SLC35F4: variants seen among roughly 807,000 people sequenced by gnomAD.
The protein encoded by SLC35F4 is chromosome 14 open reading frame 36.
Under a neutral mutation model 44.2 loss-of-function variants are expected in SLC35F4, and 24 were observed. The ratio of observed to expected loss-of-function variants is 0.54; its 90% CI spans 0.39 to 0.76. The LOEUF is 0.76. Ranked by LOEUF, SLC35F4 falls within the 30% of genes least tolerant of loss-of-function variation. The pLI, the probability that SLC35F4 is intolerant of heterozygous loss-of-function variation, is 0.00. For synonymous variants in SLC35F4, 238 were observed against 223.6 expected (o/e 1.06, Z -0.57); for missense variants, 562 against 586.1 (o/e 0.96, Z 0.42).
rs534655550 is a variant in SLC35F4 at position 57,953,753 on chromosome 14, A to G, written n.282+28160T>C. ...TGTCCTAAATATATATGCACCCAAT[A>G]CAGGAGCACCCAGATTCATAAAGCA... On this transcript the variant is annotated intron_variant and non_coding_transcript_variant, in intron 1 of 1. Coordinates refer to the SLC35F4 transcript ENST00000556568. 4.0e-4 allele frequency among the ~76,000 whole-genome samples: 61 copies of G among 152,328 alleles called. 1 individual carries two copies. The South Asian group carries it at 0.011, about 28-fold the overall frequency.
Position 57,791,906 on chromosome 14 carries a change from T to C in SLC35F4, c.103+73817A>G, listed in dbSNP as rs143638570. ...ACATGTTCTCACTCATAAGTGGGAG[T>C]TGACCAATGAGAACGTATGGGTACA... On this transcript the variant is annotated intron_variant, in intron 1 of 7. Coordinates refer to ENST00000556826, the MANE Select transcript of SLC35F4 (RefSeq NM_001306087.2). Among the ~76,000 whole-genome samples, 282 of 150,452 alleles carry C rather than the reference T, an allele frequency of 1.9e-3. 2 individuals are homozygous for C. Among genetic ancestry groups the C allele is most frequent in the Non-Finnish European group, 3.7e-3 (250 of 67,546 alleles).
chr14:57,780,922 T>G (rs539212156), intron 1 of SLC35F4, among the ~76,000 whole-genome samples: 1 of 151,984 alleles, frequency 6.6e-6, no homozygotes, highest in Admixed American at 6.6e-5. Context: ...CAACTCAAGA[T>G]GAATTAAAAA....
chr14:57,826,481 AG>A (rs1195969929), intron 1 of SLC35F4, among the ~76,000 whole-genome samples: 1 of 152,232 alleles, frequency 6.6e-6, no homozygotes, highest in Non-Finnish European at 1.5e-5. Flanking sequence ...AAATGCCAAA[AG>A]CAATTGCAAC....
At chr14:57,871,577 C>G (rs951180427) in intron 1 of SLC35F4, among the ~76,000 whole-genome samples, 14 of 152,222 alleles carry the variant, frequency 9.2e-5, no homozygotes. Flanking sequence ...GTCACACAAG[C>G]TTTCTGTAAC....
intron 1 of SLC35F4, among the ~76,000 whole-genome samples, chr14:57,850,817 T>C (rs1053710953): frequency 2.4e-4 from 36 of 152,202 alleles, no homozygotes; most frequent in African/African-American, 7.0e-4. Flanking sequence ...TGGATGACCT[T>C]AACATTGAAA....
intron 1 of SLC35F4, among the ~76,000 whole-genome samples, chr14:57,611,911 C>G (rs1186570235): frequency 6.6e-6 from 1 of 152,232 alleles, no homozygotes; most frequent in Admixed American, 6.5e-5. Context: ...TATGAGGCAA[C>G]TGAGCTCAGA....
intron 1 of SLC35F4, among the ~76,000 whole-genome samples, chr14:57,625,910 T>G (rs2072451224): frequency 6.6e-6 from 1 of 152,142 alleles, no homozygotes; most frequent in South Asian, 2.1e-4. Context: ...TAGCAAAGAC[T>G]TGGAACCAAC....
intron 1 of SLC35F4, among the ~76,000 whole-genome samples, chr14:57,624,336 A>T (rs1284028406): frequency 6.6e-6 from 1 of 152,224 alleles, no homozygotes; most frequent in Non-Finnish European, 1.5e-5. Context: ...AAAGTCCAGG[A>T]CCAGGCGGAT....
intron 1 of SLC35F4, among the ~76,000 whole-genome samples, chr14:57,932,832 G>A (rs1889724793): frequency 6.6e-6 from 1 of 151,998 alleles, no homozygotes; most frequent in South Asian, 2.1e-4. Flanking sequence ...AAAAAATTTA[G>A]TCAAGCTATC....
intron 5 of SLC35F4, 95 bp downstream of exon 5, chr14:57,571,799 C>A: frequency 1.4e-6 from 2 of 1,443,914 alleles, no homozygotes; most frequent in Non-Finnish European, 1.8e-6. Context: ...CATCTATTTT[C>A]TTTCTAATCA....
chr14:57,832,590 T>A (rs2140939707), intron 1 of SLC35F4, among the ~76,000 whole-genome samples: 1 of 152,370 alleles, frequency 6.6e-6, no homozygotes, highest in South Asian at 2.1e-4. Flanking sequence ...ATGTATCCCA[T>A]AACATTGTGT....
At chr14:57,848,758 G>A (rs7145075) in intron 1 of SLC35F4, among the ~76,000 whole-genome samples, 1 of 152,122 alleles carries the variant, frequency 6.6e-6, no homozygotes, top group African/African-American at 2.4e-5. Context: ...TCTTTCTGGG[G>A]CAAACATTGG....
intron 4 of SLC35F4, chr14:57,580,507 TG>T: frequency 2.5e-6 from 1 of 395,632 alleles, no homozygotes; most frequent in South Asian, 1.9e-5. Context: ...GAATGAGATC[TG>T]GCTCCTTAAA....
At chr14:57,824,325 C>T (rs1428812486) in intron 1 of SLC35F4, among the ~76,000 whole-genome samples, 1 of 152,154 alleles carries the variant, frequency 6.6e-6, no homozygotes, top group African/African-American at 2.4e-5. Context: ...GTTCTAGACC[C>T]TGGGCAACAC....
At chr14:57,828,213 C>G (rs1459744667) in intron 1 of SLC35F4, among the ~76,000 whole-genome samples, 1 of 152,050 alleles carries the variant, frequency 6.6e-6, no homozygotes, top group Non-Finnish European at 1.5e-5. Flanking sequence ...AAAACCACAC[C>G]CATGCCCCAG....
Position 57,837,859 on chromosome 14 carries a change from C to T in SLC35F4, c.103+27864G>A, listed in dbSNP as rs565599180. Among the ~76,000 whole-genome samples the T allele has an allele frequency of 1.3e-5, 2 of 152,334 alleles. 1 individual carries two copies. Among genetic ancestry groups the T allele is most frequent in the South Asian group, 4.1e-4 (2 of 4,828 alleles). On this transcript the variant is annotated intron_variant, in intron 1 of 7. Coordinates refer to ENST00000556826, the MANE Select transcript of SLC35F4 (RefSeq NM_001306087.2). Reference sequence around the variant, plus strand: ...TTCAGAATACTGCTCACCTCCCCTTCCCCAATACACATACATTCAAATATC... The same window carrying T: ...TTCAGAATACTGCTCACCTCCCCTTTCCCAATACACATACATTCAAATATC...
intron 1 of SLC35F4, among the ~76,000 whole-genome samples, chr14:57,967,928 G>A (rs1432618451): frequency 6.6e-6 from 1 of 152,122 alleles, no homozygotes; most frequent in East Asian, 1.9e-4. Context: ...GATCATAAAA[G>A]TCAAATAAAT....
intron 1 of SLC35F4, among the ~76,000 whole-genome samples, chr14:57,887,379 A>T (rs192652493): frequency 6.6e-6 from 1 of 152,202 alleles, no homozygotes; most frequent in African/African-American, 2.4e-5. Context: ...ACAGAGGCAC[A>T]CCAGCTCAAC....
At chr14:57,735,022 G>A (rs1594915462) in intron 1 of SLC35F4, among the ~76,000 whole-genome samples, 1 of 149,010 alleles carries the variant, frequency 6.7e-6, no homozygotes, top group Non-Finnish European at 1.5e-5. Context: ...AGCCAGAGCT[G>A]TTTTTTTTTT....
Sources: allele counts gnomAD v4.1 joint callset (sites outside exome capture counted in the v4.1 genomes callset), GRCh38; gene constraint gnomAD v4.1.1; transcripts MANE v1.5; gene names NCBI Gene and HGNC (gene_info 2026-07-23, HGNC 2026-07-21).